EML1: variants seen among roughly 807,000 people sequenced by gnomAD.
The protein encoded by EML1 is EMAP like 1.
EML1 carries 27 observed loss-of-function variants against 110.4 expected under a neutral mutation model. The ratio of observed to expected loss-of-function variants is 0.24; its 90% CI spans 0.18 to 0.34. The LOEUF is 0.34. Among genes scored for constraint, EML1 ranks in the 10% least tolerant of loss-of-function variants. The probability of loss-of-function intolerance (pLI) is 1.00; values close to 1 mark genes in which losing one functional copy is unlikely to be tolerated. For missense variants in EML1, 741 were observed against 1,030.9 expected (o/e 0.72, Z 3.85); for synonymous variants, 344 against 385.8 (o/e 0.89, Z 1.27).
chr14:99,878,391 G>C, intron 3 of EML1, 94 bp from the exon 4 acceptor site: 1 of 1,485,556 alleles, frequency 6.7e-7, no homozygotes, highest in African/African-American at 1.4e-5. Context: ...TATCCATGTG[G>C]AAGTATGACG....
chr14:99,816,525 A>G (rs900831744), intron 1 of EML1, among the ~76,000 whole-genome samples: 1 of 152,238 alleles, frequency 6.6e-6, no homozygotes, highest in African/African-American at 2.4e-5. Context: ...CGTGCTACAG[A>G]TAAGGACATC....
intron 1 of EML1, among the ~76,000 whole-genome samples, chr14:99,841,948 C>T (rs1392180205): frequency 6.6e-6 from 1 of 152,108 alleles, no homozygotes; most frequent in African/African-American, 2.4e-5. Flanking sequence ...TTTTAGAAAA[C>T]CCAAGAGGTA....
At chr14:99,807,060 T>G (rs1680587538) in intron 1 of EML1, among the ~76,000 whole-genome samples, 1 of 152,182 alleles carries the variant, frequency 6.6e-6, no homozygotes, top group African/African-American at 2.4e-5. Flanking sequence ...TGGCACCGTT[T>G]GATGCCGTGA....
intron 1 of EML1, among the ~76,000 whole-genome samples, chr14:99,741,223 T>TCAC (rs2057038367): frequency 2.6e-5 from 4 of 152,196 alleles, no homozygotes. Context: ...TGCAGAAGTG[T>TCAC]TCAGCCAGCA....
rs1413074322 is a variant in EML1 at position 99,785,918 on chromosome 14, C to T, written c.-27+11905C>T. On this transcript the variant is annotated intron_variant, in intron 1 of 22. Coordinates refer to the EML1 transcript ENST00000327921. The stretch of plus-strand genomic sequence containing the variant: ...GGCTGGGGAGGCATCCAGTGCCATA[C>T]AGAGGACTCTGCACCCCTCCCGCAG... Among the ~76,000 whole-genome samples, 4 of 152,064 alleles carry T rather than the reference C, an allele frequency of 2.6e-5. No homozygotes were observed. The South Asian group carries it at 8.3e-4, about 32-fold the overall frequency.
In EML1 at chr14:99,914,609, A is replaced by C; in HGVS notation, c.1664A>C (p.Lys555Thr). 1 of 1,610,674 alleles carries C rather than the reference A, an allele frequency of 6.2e-7. No individual in the cohort carries two copies. Among genetic ancestry groups the C allele is most frequent in the Non-Finnish European group, 8.5e-7 (1 of 1,179,374 alleles). The change falls in exon 15 of 22, where the codon AAA (lysine) becomes ACA (threonine). Residue 555 changes from lysine to threonine, a missense_variant. Lys to Thr is a moderately conservative substitution (Grantham distance 78). Transcript: ENST00000262233. ...TGGGGACTGGCCATCCATGCCTCAA[A>C]ATCTCAGTTCTTGACCTGTGGGCAT... is the stretch of plus-strand genomic sequence containing the variant. ...ELWGLAIHAS[K>T]SQFLTCGHDK...
chr14:99,923,175 C>T (rs1444159191), intron 17 of EML1, among the ~76,000 whole-genome samples: 2 of 152,186 alleles, frequency 1.3e-5, no homozygotes, highest in African/African-American at 4.8e-5. Context: ...CTCCTGGGCC[C>T]AAGTGATCTG....
Position 99,935,469 on chromosome 14 carries a change from G to GA in EML1, c.1910-549dup, listed in dbSNP as rs796960608. Among the ~76,000 whole-genome samples the GA allele has an allele frequency of 2.0e-3, 284 of 139,054 alleles. 2 individuals carry two copies. The highest frequency in any genetic ancestry group is 0.02 in the Middle Eastern group (5 of 252). 91.2% of individuals were successfully genotyped at this position (139,054 alleles called of 152,430 possible). On this transcript the variant is annotated intron_variant, in intron 17 of 21. Coordinates refer to ENST00000262233, the MANE Select transcript of EML1 (RefSeq NM_004434.3). ...GACAAAGCAAAACCCTGTCTCAAAAGAAAAAAAAAAAGAGTTCATAAAAAT... is the reference window on the plus strand; with the variant it reads ...GACAAAGCAAAACCCTGTCTCAAAAGAAAAAAAAAAAAGAGTTCATAAAAAT...
In EML1 at chr14:99,909,394, A is replaced by G. The variant is rs773171158; in HGVS notation, c.1154A>G (p.Asn385Ser). The G allele has an allele frequency of 1.2e-6, 2 of 1,614,204 alleles. No individual in the cohort carries two copies. Among genetic ancestry groups the G allele is most frequent in the South Asian group, 2.2e-5 (2 of 91,078 alleles). Residue 385 changes from asparagine (N) to serine (S), a missense_variant, in exon 11 of 22, where the codon AAC (asparagine) becomes AGC (serine). Physicochemically the swap from Asn to Ser is conservative, Grantham distance 46. Coordinates refer to ENST00000262233, the MANE Select transcript of EML1 (RefSeq NM_004434.3). ...GCGGATTTCCACCCCACGGACACCA[A>G]CATCATAGTTACTTGTGGAAAATCA... ...FAADFHPTDT[N>S]IIVTCGKSHL... is the part of the protein sequence containing the mutation.
Position 99,928,191 on chromosome 14 carries a change from GTGGTGGTGGTGGTGGTGATGGTGA to G in EML1, c.1909+7332_1909+7355del, listed in dbSNP as rs2060297498. Among the ~76,000 whole-genome samples the G allele has an allele frequency of 9.7e-5, 3 of 30,860 alleles. 1 individual carries two copies. In the East Asian group the frequency reaches 2.2e-3, roughly 23 times the overall value. 20.2% of individuals were successfully genotyped at this position (30,860 alleles called of 152,430 possible). ...GGTGGTGGAGGTGGTGGTGGTGGTG[GTGGTGGTGGTGGTGGTGATGGTGA>G]TGGTGGTGGTGGTGGTGGTGGTGGT... is the stretch of plus-strand genomic sequence containing the variant. On this transcript the variant is annotated intron_variant, in intron 17 of 21. Coordinates refer to ENST00000262233, the MANE Select transcript of EML1 (RefSeq NM_004434.3).
At chr14:99,851,497 CAG>C (rs1280901631) in intron 2 of EML1, among the ~76,000 whole-genome samples, 1 of 152,020 alleles carries the variant, frequency 6.6e-6, no homozygotes, top group Non-Finnish European at 1.5e-5. Flanking sequence ...TTAGTGGAGA[CAG>C]AGTTTCACCG....
chr14:99,796,177 A>G (rs2057767178), intron 1 of EML1, among the ~76,000 whole-genome samples: 1 of 143,184 alleles, frequency 7.0e-6, no homozygotes, highest in South Asian at 2.2e-4. Context: ...ACAAAGTGAG[A>G]CCCTGTCTCA....
At chr14:99,862,165 G>A (rs1424468298) in intron 2 of EML1, among the ~76,000 whole-genome samples, 2 of 152,126 alleles carry the variant, frequency 1.3e-5, no homozygotes, top group Admixed American at 6.5e-5. Context: ...CCTTGGCTTC[G>A]CCTGATGTTT....
intron 17 of EML1, 37 bp from the exon 18 acceptor site, chr14:99,935,992 G>A (rs76206393): frequency 2.3e-6 from 2 of 854,460 alleles, no homozygotes; most frequent in Non-Finnish European, 3.1e-6. Context: ...AATGTGTATT[G>A]TTAACATCTG....
intron 1 of EML1, among the ~76,000 whole-genome samples, chr14:99,838,696 G>T (rs1044537706): frequency 6.6e-6 from 1 of 151,994 alleles, no homozygotes; most frequent in Non-Finnish European, 1.5e-5. Context: ...CCCTTGGTGT[G>T]GTGTAGCTAC....
At chr14:99,892,085 TCCGGGGCAGGCAGGC>T in intron 5 of EML1, 1 of 967,472 alleles carries the variant, frequency 1.0e-6, no homozygotes, top group South Asian at 4.8e-5. Context: ...GGCTCCGGGC[TCCGGGGCAGGCAGGC>T]CAGCCACACT....
At chr14:99,935,779 CTCAAAAA>C (rs2060458726) in intron 17 of EML1, among the ~76,000 whole-genome samples, 1 of 76,170 alleles carries the variant, frequency 1.3e-5, no homozygotes, top group Admixed American at 1.7e-4. Context: ...GAGACTCCGT[CTCAAAAA>C]AAAAAAAAAA....
At position 99,813,487 on chromosome 14, in the gene EML1, G is replaced by T. The variant is rs556364970; in HGVS notation, c.67+19944G>T. Among the ~76,000 whole-genome samples the T allele has an allele frequency of 2.0e-5, 3 of 152,322 alleles. No individual in the cohort carries two copies. In the South Asian group the frequency reaches 6.2e-4, roughly 32 times the overall value. ...CCCAGCACTGTGGGAGGCCGAGGCA[G>T]AAGGATTGCCTGAGCCCAGGAGTTT... On this transcript the variant is annotated intron_variant, in intron 1 of 21. Transcript: ENST00000262233.
intron 1 of EML1, among the ~76,000 whole-genome samples, chr14:99,836,210 T>TTATTAC (rs942338770): frequency 6.6e-6 from 1 of 151,942 alleles, no homozygotes; most frequent in Non-Finnish European, 1.5e-5. Context: ...ATTTCTTTTA[T>TTATTAC]TATGTTTTAG....
Sources: allele counts gnomAD v4.1 joint callset (sites outside exome capture counted in the v4.1 genomes callset), GRCh38; gene constraint gnomAD v4.1.1; transcripts MANE v1.5; gene names NCBI Gene and HGNC (gene_info 2026-07-23, HGNC 2026-07-21).